The following HS3ST2 variants were observed in gnomAD, a reference collection of about 807,000 sequenced individuals.
HS3ST2 encodes heparan sulfate glucosamine 3-O-sulfotransferase 2.
Under a neutral mutation model 26.3 loss-of-function variants are expected in HS3ST2, and 17 were observed. The ratio of observed to expected loss-of-function variants is 0.65; its 90% CI spans 0.44 to 0.97. The LOEUF (loss-of-function observed/expected upper bound fraction) is 0.97, where lower values mean the gene tolerates loss of function less well. Among genes scored for constraint, HS3ST2 ranks in the 50% least tolerant of loss-of-function variants. The probability of loss-of-function intolerance (pLI) is 0.00; values close to 1 mark genes in which losing one functional copy is unlikely to be tolerated. For synonymous variants in HS3ST2, 237 were observed against 219.2 expected (o/e 1.08, Z -0.72); for missense variants, 402 against 501.2 (o/e 0.80, Z 1.89).
rs190735745 is a variant in HS3ST2, at chr16:22,870,898, G to A, written c.486-44046G>A. On this transcript the variant is annotated intron_variant, in intron 1 of 1. Coordinates refer to ENST00000261374, the MANE Select transcript of HS3ST2 (RefSeq NM_006043.2). ...TTTAACTGTTAGATATAGATGATCCGTAACTTACAATGGTTCAACTTAAGA... is the reference window on the plus strand; with the variant it reads ...TTTAACTGTTAGATATAGATGATCCATAACTTACAATGGTTCAACTTAAGA... 1.3e-3 allele frequency among the ~76,000 whole-genome samples: 205 copies of A among 152,228 alleles called. 2 individuals are homozygous for A. The highest frequency in any genetic ancestry group is 3.4e-3 in the Middle Eastern group (1 of 294).
intron 1 of HS3ST2, among the ~76,000 whole-genome samples, chr16:22,888,072 G>T (rs996418935): frequency 1.3e-5 from 2 of 152,194 alleles, no homozygotes; most frequent in African/African-American, 4.8e-5. Flanking sequence ...GTGGGACCAA[G>T]CCTCAGTTTC....
At chr16:22,840,211 G>A (rs970292025) in intron 1 of HS3ST2, among the ~76,000 whole-genome samples, 1 of 152,168 alleles carries the variant, frequency 6.6e-6, no homozygotes, top group Non-Finnish European at 1.5e-5. Context: ...CCTGATAAGG[G>A]TGGCCATAGG....
At chr16:22,836,267 A>G (rs986373166) in intron 1 of HS3ST2, among the ~76,000 whole-genome samples, 2 of 152,218 alleles carry the variant, frequency 1.3e-5, no homozygotes, top group Admixed American at 1.3e-4. Context: ...TGCCATCTGT[A>G]TTAGTCTGTT....
chr16:22,902,527 C>T (rs1902293316), intron 1 of HS3ST2, among the ~76,000 whole-genome samples: 2 of 152,240 alleles, frequency 1.3e-5, no homozygotes, highest in African/African-American at 4.8e-5. Flanking sequence ...ACACCTGGCA[C>T]ATGAGTCTTT....
chr16:22,904,647 T>G (rs1292753951), intron 1 of HS3ST2, among the ~76,000 whole-genome samples: 4 of 152,106 alleles, frequency 2.6e-5, no homozygotes, highest in Non-Finnish European at 5.9e-5. Flanking sequence ...ATGTCAAGGT[T>G]CCCTTAGCAT....
At chr16:22,863,455 C>T (rs1901706918) in intron 1 of HS3ST2, among the ~76,000 whole-genome samples, 1 of 152,120 alleles carries the variant, frequency 6.6e-6, no homozygotes, top group Non-Finnish European at 1.5e-5. Flanking sequence ...ATTTTAGATT[C>T]AGGAGGTGCA....
At chr16:22,904,043 C>G (rs1263173944) in intron 1 of HS3ST2, among the ~76,000 whole-genome samples, 1 of 152,176 alleles carries the variant, frequency 6.6e-6, no homozygotes, top group East Asian at 1.9e-4. Context: ...GATTTAGATA[C>G]CAGCTATTTA....
intron 1 of HS3ST2, among the ~76,000 whole-genome samples, chr16:22,843,662 GCATCACCCC>G (rs1418515477): frequency 6.6e-6 from 1 of 152,152 alleles, no homozygotes; most frequent in African/African-American, 2.4e-5. Flanking sequence ...GAGGCGGGGT[GCATCACCCC>G]CACCCCAGCT....
At chr16:22,883,633 G>A (rs771326002) in intron 1 of HS3ST2, among the ~76,000 whole-genome samples, 65 of 152,246 alleles carry the variant, frequency 4.3e-4, no homozygotes, top group Non-Finnish European at 8.2e-4. Context: ...AATATTACAC[G>A]ATGGCTAAAC....
At chr16:22,844,036 C>G (rs935288425) in intron 1 of HS3ST2, among the ~76,000 whole-genome samples, 2 of 148,500 alleles carry the variant, frequency 1.3e-5, no homozygotes, top group Non-Finnish European at 2.9e-5. Context: ...CACACACACA[C>G]GCACACACAC....
intron 1 of HS3ST2, among the ~76,000 whole-genome samples, chr16:22,862,335 T>G (rs961731457): frequency 6.6e-6 from 1 of 150,664 alleles, no homozygotes. Context: ...CAGTAGACTG[T>G]GGGCTAGTTG....
intron 1 of HS3ST2, among the ~76,000 whole-genome samples, chr16:22,876,892 C>T (rs1353232731): frequency 6.6e-6 from 1 of 152,126 alleles, no homozygotes; most frequent in Non-Finnish European, 1.5e-5. Flanking sequence ...GAAAACTAAA[C>T]ATCGTATATT....
chr16:22,818,063 A>C (rs2141172718), intron 1 of HS3ST2, among the ~76,000 whole-genome samples: 1 of 152,292 alleles, frequency 6.6e-6, no homozygotes, highest in East Asian at 1.9e-4. Flanking sequence ...AGCCTTCTGC[A>C]GTGGGTTCTC....
chr16:22,895,600 CGTT>C (rs1409824083), intron 1 of HS3ST2, among the ~76,000 whole-genome samples: 2 of 151,970 alleles, frequency 1.3e-5, no homozygotes, highest in Non-Finnish European at 2.9e-5. Flanking sequence ...CAAATGTTCT[CGTT>C]GTTGTCATTT....
intron 1 of HS3ST2, among the ~76,000 whole-genome samples, chr16:22,836,575 A>C (rs1901258024): frequency 6.6e-6 from 1 of 152,012 alleles, no homozygotes; most frequent in African/African-American, 2.4e-5. Context: ...TTTATCTCTT[A>C]ATCAGTTGAT....
intron 1 of HS3ST2, among the ~76,000 whole-genome samples, chr16:22,892,695 G>C (rs953407596): frequency 3.3e-5 from 5 of 152,110 alleles, no homozygotes; most frequent in African/African-American, 9.7e-5. Context: ...AAATTATAGA[G>C]AGTGCCTTCC....
chr16:22,865,703 G>A (rs1901741116), intron 1 of HS3ST2, among the ~76,000 whole-genome samples: 1 of 152,146 alleles, frequency 6.6e-6, no homozygotes, highest in Non-Finnish European at 1.5e-5. Context: ...GGATTACTCT[G>A]ACAACAAACT....
chr16:22,900,534 A>G (rs563543156), intron 1 of HS3ST2, among the ~76,000 whole-genome samples: 2 of 152,188 alleles, frequency 1.3e-5, no homozygotes, highest in East Asian at 1.9e-4. Flanking sequence ...GAGGTCACCA[A>G]TTGAATTTGG....
intron 1 of HS3ST2, among the ~76,000 whole-genome samples, chr16:22,844,579 G>T (rs915216280): frequency 6.6e-6 from 1 of 152,102 alleles, no homozygotes; most frequent in Admixed American, 6.5e-5. Context: ...AGGAGGAGGG[G>T]CCTGGTGGGA....
Sources: allele counts gnomAD v4.1 joint callset (sites outside exome capture counted in the v4.1 genomes callset), GRCh38; gene constraint gnomAD v4.1.1; transcripts MANE v1.5; gene names NCBI Gene and HGNC (gene_info 2026-07-23, HGNC 2026-07-21).